DMD: variants seen among roughly 807,000 people sequenced by gnomAD.
DMD encodes the protein dystrophin.
Under a neutral mutation model 330.1 loss-of-function variants are expected in DMD, and 63 were observed. That is an observed-to-expected ratio of 0.19 (90% confidence interval 0.16 to 0.24). The LOEUF (loss-of-function observed/expected upper bound fraction) is 0.24. Ranked by LOEUF, DMD falls within the 10% of genes least tolerant of loss-of-function variation. The pLI, the probability that DMD is intolerant of heterozygous loss-of-function variation, is 1.00. For missense variants in DMD, 3,344 were observed against 2,684.1 expected (o/e 1.25, Z -5.43); for synonymous variants, 1,223 against 959.8 (o/e 1.27, Z -5.07).
intron 1 of DMD, among the ~76,000 whole-genome samples, chrX:33,237,788 A>G (rs920542749): frequency 4.5e-5 from 5 of 112,341 alleles, no homozygotes; most frequent in African/African-American, 1.6e-4. Flanking sequence ...CGATTTTGAT[A>G]TATCTTGTAC....
chrX:32,730,866 A>C (rs2067512744), intron 7 of DMD, among the ~76,000 whole-genome samples: 2 of 111,993 alleles, frequency 1.8e-5, no homozygotes, highest in Admixed American at 1.9e-4. Context: ...GGAAAATTAA[A>C]ACTTGAAATA....
At chrX:32,298,022 G>A (rs967231889) in intron 42 of DMD, among the ~76,000 whole-genome samples, 1 of 109,926 alleles carries the variant, frequency 9.1e-6, no homozygotes, top group African/African-American at 3.3e-5. Context: ...AGAGAATGGG[G>A]TGGGTAACCC....
chrX:31,784,230 T>A (rs192849277), intron 50 of DMD, among the ~76,000 whole-genome samples: 1 of 111,925 alleles, frequency 8.9e-6, no homozygotes, highest in Non-Finnish European at 1.9e-5. Context: ...CCAACAAGCA[T>A]CTGAAAACAT....
intron 2 of DMD, among the ~76,000 whole-genome samples, chrX:32,853,195 C>G (rs1295948837): frequency 8.9e-6 from 1 of 111,900 alleles, no homozygotes; most frequent in African/African-American, 3.3e-5. Flanking sequence ...CAGACCTGTT[C>G]TACAAGAAAT....
intron 55 of DMD, among the ~76,000 whole-genome samples, chrX:31,622,591 T>G: frequency 9.1e-6 from 1 of 109,595 alleles, no homozygotes; most frequent in East Asian, 2.9e-4. Context: ...CTTTGCTATG[T>G]TAGGACACAG....
chrX:31,915,860 T>C (rs2094603105), intron 47 of DMD, among the ~76,000 whole-genome samples: 1 of 111,713 alleles, frequency 9.0e-6, no homozygotes, highest in African/African-American at 3.3e-5. Context: ...GATTGCAAGG[T>C]GTGGTAGATT....
intron 6 of DMD, among the ~76,000 whole-genome samples, chrX:32,811,380 A>T (rs2077359209): frequency 9.1e-6 from 1 of 110,035 alleles, no homozygotes; most frequent in South Asian, 3.9e-4. Flanking sequence ...CTCAAATCAA[A>T]CTCACATATA....
intron 44 of DMD, among the ~76,000 whole-genome samples, chrX:32,091,703 A>C (rs2148004317): frequency 8.9e-6 from 1 of 112,115 alleles, no homozygotes; most frequent in African/African-American, 3.2e-5. Flanking sequence ...ATTAATTAAA[A>C]GTCATGTTGT....
At chrX:32,286,645 C>A (rs914207368) in intron 43 of DMD, among the ~76,000 whole-genome samples, 7 of 111,738 alleles carry the variant, frequency 6.3e-5, no homozygotes, top group Non-Finnish European at 1.1e-4. Context: ...TCGTTGAGAA[C>A]AAAGTGGAGA....
At chrX:31,889,647 T>TCTCTCTCTCA (rs796563415) in intron 47 of DMD, among the ~76,000 whole-genome samples, 1 of 71,592 alleles carries the variant, frequency 1.4e-5, no homozygotes, top group Non-Finnish European at 2.6e-5. Context: ...TCTCTCTCTC[T>TCTCTCTCTCA]CACACACACA....
chrX:33,071,672 TATTTC>T (rs2094759843), intron 1 of DMD, among the ~76,000 whole-genome samples: 1 of 111,550 alleles, frequency 9.0e-6, no homozygotes, highest in African/African-American at 3.3e-5. Context: ...CATATTATCT[TATTTC>T]AATTATTATG....
At position 32,542,032 on chromosome X, in the gene DMD, T is replaced by TA. The variant is rs751277644; in HGVS notation, c.2168+3126dup. 2.1e-3 allele frequency among the ~76,000 whole-genome samples: 236 copies of TA among 111,523 alleles called. 1 individual carries two copies. The highest frequency in any genetic ancestry group is 7.4e-3 in the African/African-American group (226 of 30,716). The stretch of plus-strand genomic sequence containing the variant: ...GCACAAGCGGAAATAGCTTTAGAGA[T>TA]ATAAAGCTTTAATTTGAGGGAGAGT... On this transcript the variant is annotated intron_variant, in intron 17 of 78. Coordinates refer to ENST00000357033, the MANE Select transcript of DMD (RefSeq NM_004006.3).
At chrX:32,035,497 C>T (rs997224327) in intron 44 of DMD, 5 of 276,588 alleles carry the variant, frequency 1.8e-5, no homozygotes, top group Non-Finnish European at 3.4e-5. Context: ...TATGACTGAT[C>T]CAGTTCTTAT....
chrX:32,734,285 C>G (rs1324188167), intron 7 of DMD, among the ~76,000 whole-genome samples: 11 of 92,419 alleles, frequency 1.2e-4, no homozygotes, highest in East Asian at 3.3e-4. Flanking sequence ...GCTTACCAAC[C>G]AAAAAGAGTC....
In DMD at chrX:32,480,374, ATGTGTG is replaced by A. The variant is rs113099165; in HGVS notation, c.2803+4539_2803+4544del. Among the ~76,000 whole-genome samples, 111 of 102,942 alleles carry A rather than the reference ATGTGTG, an allele frequency of 1.1e-3. 1 individual carries two copies. In the South Asian group the frequency reaches 0.016, roughly 15 times the overall value. The allele number at this position is 102,942 out of a possible 115,157, so 89.4% of individuals were successfully genotyped here. The stretch of plus-strand genomic sequence containing the variant: ...GGTTCCTGTCACATAAATTTTATAA[ATGTGTG>A]TGTGTGTGTGTGTGTGTGTGTATAT... On this transcript the variant is annotated intron_variant, in intron 21 of 78. Transcript: ENST00000357033.
chrX:32,371,439 T>C (rs2097877564), intron 34 of DMD, among the ~76,000 whole-genome samples: 1 of 110,670 alleles, frequency 9.0e-6, no homozygotes, highest in Non-Finnish European at 1.9e-5. Context: ...ATTTTTTTTT[T>C]CCAGAAAATC....
chrX:32,235,600 T>A (rs1169553442), intron 43 of DMD, among the ~76,000 whole-genome samples: 1 of 111,727 alleles, frequency 9.0e-6, no homozygotes, highest in Admixed American at 9.5e-5. Context: ...TAATTTGAAG[T>A]CTACCCATTA....
At chrX:32,755,350 T>C (rs2071371295) in intron 7 of DMD, among the ~76,000 whole-genome samples, 1 of 110,880 alleles carries the variant, frequency 9.0e-6, no homozygotes, top group Non-Finnish European at 1.9e-5. Flanking sequence ...ATGACTAAAA[T>C]CTTAAAGGAA....
At chrX:31,749,822 TA>T (rs1315548797) in intron 51 of DMD, among the ~76,000 whole-genome samples, 1 of 106,235 alleles carries the variant, frequency 9.4e-6, no homozygotes, top group African/African-American at 3.5e-5. Flanking sequence ...CCTGACTTTT[TA>T]ATGATTGCCA....
Sources: allele counts gnomAD v4.1 joint callset (sites outside exome capture counted in the v4.1 genomes callset), GRCh38; gene constraint gnomAD v4.1.1; transcripts MANE v1.5; gene names NCBI Gene and HGNC (gene_info 2026-07-23, HGNC 2026-07-21).